TENM4: variants seen among roughly 807,000 people sequenced by gnomAD.
TENM4 encodes teneurin transmembrane protein 4, also known as teneurin-4.
Under a neutral mutation model 243.3 loss-of-function variants are expected in TENM4, and 82 were observed. The ratio of observed to expected loss-of-function variants is 0.34; its 90% CI spans 0.28 to 0.40. TENM4 has a LOEUF of 0.40. Among genes scored for constraint, TENM4 ranks in the 10% least tolerant of loss-of-function variants. The pLI is 1.00. For missense variants in TENM4, 3,138 were observed against 3,673.3 expected, an observed-to-expected ratio of 0.85 and a Z score of 3.77; for synonymous variants, 1,412 against 1,456.3, an observed-to-expected ratio of 0.97 and a Z score of 0.69.
chr11:78,798,627 G>C (rs1857215179), intron 15 of TENM4, among the ~76,000 whole-genome samples: 1 of 152,104 alleles, frequency 6.6e-6, no homozygotes, highest in Non-Finnish European at 1.5e-5. Flanking sequence ...GCCTACCTCT[G>C]GCCTTCTTTC....
chr11:79,273,953 T>G (rs1219321772), intron 2 of TENM4, among the ~76,000 whole-genome samples: 2 of 152,216 alleles, frequency 1.3e-5, no homozygotes, highest in African/African-American at 4.8e-5. Flanking sequence ...GTGCACAGCT[T>G]GCCAGATCCA....
At chr11:79,030,858 C>G (rs1025596068) in intron 6 of TENM4, among the ~76,000 whole-genome samples, 8 of 152,010 alleles carry the variant, frequency 5.3e-5, no homozygotes, top group Non-Finnish European at 1.0e-4. Context: ...CTCAGCAGGC[C>G]CCCGCCAAGG....
At chr11:78,668,083 A>C (rs547792348) in intron 32 of TENM4, among the ~76,000 whole-genome samples, 4 of 152,214 alleles carry the variant, frequency 2.6e-5, no homozygotes, top group African/African-American at 9.6e-5. Context: ...AAGGGAACCA[A>C]CACGAGCCAG....
At chr11:79,216,897 T>G in intron 2 of TENM4, among the ~76,000 whole-genome samples, 2 of 152,302 alleles carry the variant, frequency 1.3e-5, no homozygotes, top group Middle Eastern at 3.4e-3. Context: ...CTTCCTGTAA[T>G]ATACCACATG....
intron 1 of TENM4, among the ~76,000 whole-genome samples, chr11:79,303,044 T>C (rs1856574640): frequency 6.6e-6 from 1 of 152,208 alleles, no homozygotes; most frequent in Non-Finnish European, 1.5e-5. Flanking sequence ...AAAGCTCATT[T>C]CCTGCCCTGG....
intron 1 of TENM4, among the ~76,000 whole-genome samples, chr11:79,314,209 C>T (rs1235825971): frequency 6.6e-6 from 1 of 152,186 alleles, no homozygotes; most frequent in Non-Finnish European, 1.5e-5. Context: ...ATGATAATGC[C>T]TGCCTCGTGG....
intron 6 of TENM4, among the ~76,000 whole-genome samples, chr11:78,978,415 A>G (rs1417111307): frequency 6.6e-6 from 1 of 151,086 alleles, no homozygotes; most frequent in Admixed American, 6.6e-5. Context: ...CTTAGCATAA[A>G]TGATCCATTT....
At chr11:79,387,267 C>A (rs1659341403) in intron 1 of TENM4, among the ~76,000 whole-genome samples, 1 of 152,150 alleles carries the variant, frequency 6.6e-6, no homozygotes, top group Non-Finnish European at 1.5e-5. Context: ...AAGATAGAGA[C>A]TGGGAGGGGG....
intron 15 of TENM4, among the ~76,000 whole-genome samples, chr11:78,798,700 A>G (rs1054936472): frequency 6.6e-6 from 1 of 151,954 alleles, no homozygotes; most frequent in East Asian, 1.9e-4. Context: ...CCAGCTGATC[A>G]TGCATGCTCT....
chr11:78,862,128 A>G (rs1407824321), intron 10 of TENM4, among the ~76,000 whole-genome samples: 2 of 152,212 alleles, frequency 1.3e-5, no homozygotes, highest in Admixed American at 1.3e-4. Context: ...TCATTGTACA[A>G]TAGAATTTCA....
intron 32 of TENM4, among the ~76,000 whole-genome samples, chr11:78,667,440 C>T (rs1253142407): frequency 1.3e-5 from 2 of 152,176 alleles, no homozygotes; most frequent in Non-Finnish European, 2.9e-5. Context: ...CCCCTCTACA[C>T]TTCTGTATTA....
chr11:79,138,432 A>ATATATTTTAT (rs1862162833), intron 4 of TENM4, among the ~76,000 whole-genome samples: 1 of 113,850 alleles, frequency 8.8e-6, no homozygotes. Flanking sequence ...ATTATATATA[A>ATATATTTTAT]ATATATATTA....
intron 16 of TENM4, among the ~76,000 whole-genome samples, chr11:78,782,012 G>A (rs1362804232): frequency 6.6e-6 from 1 of 152,170 alleles, no homozygotes; most frequent in Non-Finnish European, 1.5e-5. Flanking sequence ...GTCAGCATCT[G>A]TCTTGTCAAA....
chr11:78,709,940 C>T (rs2135796296), intron 26 of TENM4, among the ~76,000 whole-genome samples: 1 of 152,258 alleles, frequency 6.6e-6, no homozygotes. Flanking sequence ...TCGTGGGATA[C>T]AGATGAGACA....
At chr11:78,769,508 C>T (rs1856606352) in intron 18 of TENM4, among the ~76,000 whole-genome samples, 1 of 152,208 alleles carries the variant, frequency 6.6e-6, no homozygotes, top group Non-Finnish European at 1.5e-5. Context: ...GAGGTCCTGG[C>T]ATATAGGGAG....
chr11:79,225,441 T>C (rs566723967), intron 2 of TENM4, among the ~76,000 whole-genome samples: 2 of 152,196 alleles, frequency 1.3e-5, no homozygotes, highest in South Asian at 4.2e-4. Context: ...TGAGACTGGG[T>C]CTCCCATGAC....
chr11:79,226,417 C>A (rs892581258), intron 2 of TENM4, among the ~76,000 whole-genome samples: 4 of 152,222 alleles, frequency 2.6e-5, no homozygotes, highest in Non-Finnish European at 4.4e-5. Flanking sequence ...GATTAACCAT[C>A]TCAGACTTCA....
At chr11:78,873,988 T>C (rs985550348) in intron 9 of TENM4, among the ~76,000 whole-genome samples, 1 of 152,066 alleles carries the variant, frequency 6.6e-6, no homozygotes, top group Admixed American at 6.5e-5. Flanking sequence ...TCTGTGAGGA[T>C]TTCCACCATC....
chr11:78,790,323 C>A (rs1454558895), intron 15 of TENM4, among the ~76,000 whole-genome samples: 3 of 152,232 alleles, frequency 2.0e-5, no homozygotes, highest in African/African-American at 7.2e-5. Flanking sequence ...GGGTAATCTG[C>A]AAGCTGCCAA....
Sources: allele counts gnomAD v4.1 joint callset (sites outside exome capture counted in the v4.1 genomes callset), GRCh38; gene constraint gnomAD v4.1.1; transcripts MANE v1.5; gene names NCBI Gene and HGNC (gene_info 2026-07-23, HGNC 2026-07-21).